The following HACL1 variants were observed in gnomAD, a reference collection of about 807,000 sequenced individuals.
HACL1 encodes the protein 2-hydroxyacyl-CoA lyase 1.
In HACL1, 64 loss-of-function variants were observed where a neutral mutation model predicts 74.2. That is an observed-to-expected ratio of 0.86 (90% CI 0.70 to 1.06). The LOEUF (loss-of-function observed/expected upper bound fraction) is 1.06. Ranked by LOEUF, HACL1 falls within the 50% of genes least tolerant of loss-of-function variation. The pLI is 0.00. For synonymous variants in HACL1, 230 were observed against 238.8 expected (o/e 0.96, Z 0.34); for missense variants, 728 against 719.7 (o/e 1.01, Z -0.13).
intron 16 of HACL1, among the ~76,000 whole-genome samples, chr3:15,561,915 AGT>A (rs753312492): frequency 5.3e-5 from 8 of 152,156 alleles, no homozygotes; most frequent in Non-Finnish European, 1.0e-4. Context: ...CTCAGCCTCA[AGT>A]GATCCGCCCA....
chr3:15,568,432 C>T lies in HACL1; in HGVS notation c.1250G>A (p.Arg417Lys), dbSNP rs1442317631. The T allele has an allele frequency of 6.4e-7, 1 of 1,571,000 alleles. No homozygotes were observed. Among genetic ancestry groups the T allele is most frequent in the Admixed American group, 1.9e-5 (1 of 53,960 alleles). ...TVLQNYLPRH[R>K]LDAGTFGTMG... The stretch of plus-strand genomic sequence containing the variant: ...CTTCTTTCTTCTTTAGAAGTCTTAC[C>T]TGTGACGAGGAAGGTAGTTCTGAAG... The change falls in exon 13 of 17, where the codon AGG becomes AAG. Residue 417 changes from arginine to lysine, a missense_variant and splice_region_variant. Physicochemically the swap from Arg to Lys is conservative, Grantham distance 26. Coordinates refer to ENST00000321169, the MANE Select transcript of HACL1 (RefSeq NM_012260.4).
chr3:15,600,604 C>T (rs1354070543), intron 2 of HACL1, among the ~76,000 whole-genome samples: 1 of 152,228 alleles, frequency 6.6e-6, no homozygotes, highest in Admixed American at 6.5e-5. Context: ...CTCCACCCTG[C>T]CCCGAACCAA....
chr3:15,584,288 C>T (rs1342202559), intron 7 of HACL1, among the ~76,000 whole-genome samples: 1 of 151,948 alleles, frequency 6.6e-6, no homozygotes, highest in South Asian at 2.1e-4. Context: ...TCTGACTCTC[C>T]GAAATAAAAA....
At chr3:15,568,387 C>G (rs770633282) in intron 13 of HACL1, 45 bp downstream of exon 13, 13 of 1,204,966 alleles carry the variant, frequency 1.1e-5, no homozygotes, top group Non-Finnish European at 1.5e-5. Context: ...TCATATTAAA[C>G]ACATTATAAT....
In HACL1 at chr3:15,571,771, T is replaced by TG. The variant is rs770099596; in HGVS notation, c.994-3_994-2insC. The stretch of plus-strand genomic sequence containing the variant: ...TGTTTTATCAAGTTCCTCTAAAAGC[T>TG]TAAAAAAAAAAAAACACACACACAC... On this transcript the variant is annotated splice_region_variant and splice_polypyrimidine_tract_variant and intron_variant, in intron 11 of 16. Transcript: ENST00000321169. 2.8e-3 allele frequency: 2,763 copies of TG among 978,572 alleles called. 11 individuals are homozygous for TG. The highest frequency in any genetic ancestry group is 0.022 in the East Asian group (550 of 25,580). 60.6% of individuals were successfully genotyped at this position (978,572 alleles called of 1,614,324 possible). A position where few individuals can be genotyped will look rare whatever the true frequency, so the allele number is the denominator to read the frequency against.
intron 16 of HACL1, among the ~76,000 whole-genome samples, chr3:15,561,532 CTCCAGCAATA>C (rs760267483): frequency 4.6e-5 from 7 of 152,310 alleles, no homozygotes; most frequent in Non-Finnish European, 7.3e-5. Context: ...ACTCATATTT[CTCCAGCAATA>C]TCCAGCAATA....
intron 15 of HACL1, 46 bp from the exon 16 acceptor site, chr3:15,563,590 T>C (rs916720212): frequency 7.9e-7 from 1 of 1,270,074 alleles, no homozygotes; most frequent in Non-Finnish European, 1.1e-6. Context: ...TCTTAAACCT[T>C]GTAGAAAAAA....
intron 8 of HACL1, among the ~76,000 whole-genome samples, chr3:15,581,410 G>A (rs141176142): frequency 6.6e-6 from 1 of 152,178 alleles, no homozygotes; most frequent in African/African-American, 2.4e-5. Context: ...CTAGTAAACA[G>A]TATCATGCAC....
At chr3:15,591,948 C>T (rs1401278241) in intron 3 of HACL1, among the ~76,000 whole-genome samples, 72 of 148,612 alleles carry the variant, frequency 4.8e-4, no homozygotes, top group African/African-American at 1.7e-3. Context: ...TGTATATATA[C>T]ACACACTATA....
chr3:15,568,534 T>C lies in HACL1; in HGVS notation c.1148A>G (p.His383Arg). 6.3e-7 allele frequency: 1 copy of C among 1,586,974 alleles called. No homozygotes were observed. Among genetic ancestry groups the C allele is most frequent in the Non-Finnish European group, 8.7e-7 (1 of 1,155,772 alleles). The change falls in exon 13 of 17, where the codon CAT (histidine) becomes CGT (arginine). Residue 383 changes from histidine (H) to arginine (R), a missense_variant. His to Arg is a conservative substitution (Grantham distance 29). Transcript: ENST00000321169. The part of the protein sequence containing the change: ...LPMNYYTVFY[H>R]VQEQLPRDCF... ...GTCTCTAGGTAGTTGTTCTTGAACA[T>C]GGTAGAATACTGTGTAATAATTCAT...
chr3:15,585,956 G>A (rs1265102587), intron 6 of HACL1, among the ~76,000 whole-genome samples: 2 of 151,656 alleles, frequency 1.3e-5, no homozygotes, highest in Non-Finnish European at 2.9e-5. Context: ...CATCCCCAAG[G>A]GAAAAATAAT....
At position 15,591,560 on chromosome 3, in the gene HACL1, C is replaced by A. The variant is rs569438353; in HGVS notation, c.308+40G>T. The A allele has an allele frequency of 1.4e-5, 17 of 1,254,940 alleles. No homozygotes were observed. In the Admixed American group the frequency reaches 2.9e-4, roughly 22 times the overall value. The allele number at this position is 1,254,940 out of a possible 1,614,324, so 77.7% of individuals were successfully genotyped here. A position where few individuals can be genotyped will look rare whatever the true frequency, so the allele number is the denominator to read the frequency against. Reference sequence around the variant, plus strand: ...CTACTCAGTAAAATCCTGCAGTGACCTTTTTAAGAAAATGTTTTCAGTAAT... The same window carrying A: ...CTACTCAGTAAAATCCTGCAGTGACATTTTTAAGAAAATGTTTTCAGTAAT... On this transcript the variant is annotated intron_variant, in intron 4 of 16. Transcript: ENST00000321169.
chr3:15,571,887 T>A (rs1325718335), intron 11 of HACL1, 118 bp from the exon 12 acceptor site: 1 of 532,260 alleles, frequency 1.9e-6, no homozygotes, highest in African/African-American at 2.2e-5. Context: ...TCACCCAGGC[T>A]GGAGTGCAGT....
chr3:15,578,374 A>G (rs2063662224), intron 9 of HACL1, among the ~76,000 whole-genome samples: 1 of 152,184 alleles, frequency 6.6e-6, no homozygotes, highest in Non-Finnish European at 1.5e-5. Flanking sequence ...TATATTAAAA[A>G]GCATGCCTTA....
intron 14 of HACL1, among the ~76,000 whole-genome samples, chr3:15,566,916 T>C (rs958850499): frequency 6.8e-6 from 1 of 147,980 alleles, no homozygotes; most frequent in Admixed American, 6.8e-5. Flanking sequence ...CCTCCCAGGT[T>C]CAAGCGATTC....
chr3:15,569,895 C>G, intron 12 of HACL1, among the ~76,000 whole-genome samples: 1 of 151,552 alleles, frequency 6.6e-6, no homozygotes, highest in Non-Finnish European at 1.5e-5. Flanking sequence ...GAGGCTGAGG[C>G]AGGAGAATTG....
chr3:15,582,930 G>A lies in HACL1; in HGVS notation c.614C>T (p.Thr205Met), dbSNP rs747975083. Reference protein sequence around the residue: ...ISMAETSAVCTAASVIRNAKQ... With the variant: ...ISMAETSAVCMAASVIRNAKQ... ...GGCATTCCTAATAACAGAAGCCGCC[G>A]TGCACACAGCAGAGGTTTCTGCCAT... Residue 205 changes from threonine (T) to methionine (M), a missense_variant, in exon 8 of 17, where the codon ACG becomes ATG. Thr to Met is a moderately conservative substitution (Grantham distance 81, BLOSUM62 -1). Coordinates refer to ENST00000321169, the MANE Select transcript of HACL1 (RefSeq NM_012260.4). 5.0e-6 allele frequency: 8 copies of A among 1,612,264 alleles called. No homozygotes were observed. Among genetic ancestry groups the A allele is most frequent in the South Asian group, 1.1e-5 (1 of 90,988 alleles).
chr3:15,565,328 G>C (rs1252846484), intron 14 of HACL1, among the ~76,000 whole-genome samples: 2 of 152,122 alleles, frequency 1.3e-5, no homozygotes, highest in Admixed American at 6.5e-5. Context: ...TGGTTCCTAG[G>C]AACAGTGTTT....
intron 5 of HACL1, among the ~76,000 whole-genome samples, chr3:15,589,141 G>A (rs761053735): frequency 2.0e-5 from 3 of 152,100 alleles, no homozygotes; most frequent in Non-Finnish European, 4.4e-5. Flanking sequence ...TTGCAAACAG[G>A]AGGCTTTTTT....
Sources: allele counts gnomAD v4.1 joint callset (sites outside exome capture counted in the v4.1 genomes callset), GRCh38; gene constraint gnomAD v4.1.1; transcripts MANE v1.5; gene names NCBI Gene and HGNC (gene_info 2026-07-23, HGNC 2026-07-21).